UBE2V2: variants seen among roughly 807,000 people sequenced by gnomAD.
UBE2V2 encodes ubiquitin conjugating enzyme E2 V2.
Under a neutral mutation model 17.2 loss-of-function variants are expected in UBE2V2, and 9 were observed. The observed-to-expected ratio is 0.52, with a 90% CI of 0.32 to 0.91. The LOEUF is 0.91. Among genes scored for constraint, UBE2V2 ranks in the 40% least tolerant of loss-of-function variants. The probability of loss-of-function intolerance (pLI) is 0.04; values close to 1 mark genes in which losing one functional copy is unlikely to be tolerated. For missense variants in UBE2V2, 133 were observed against 182.6 expected (o/e 0.73, Z 1.56); for synonymous variants, 61 against 57.5 (o/e 1.06, Z -0.28).
At chr8:48,024,959 G>A (rs1183146393) in intron 1 of UBE2V2, among the ~76,000 whole-genome samples, 2 of 147,022 alleles carry the variant, frequency 1.4e-5, no homozygotes, top group Non-Finnish European at 3.0e-5. Flanking sequence ...TTTTTAGAAC[G>A]AGTCTTGTTC....
intron 1 of UBE2V2, among the ~76,000 whole-genome samples, chr8:48,008,784 G>A (rs2091205238): frequency 6.6e-6 from 1 of 151,936 alleles, no homozygotes; most frequent in African/African-American, 2.4e-5. Context: ...CTACGGGAGG[G>A]AGGCGAGGAG....
intron 2 of UBE2V2, among the ~76,000 whole-genome samples, chr8:48,049,145 A>G (rs1421486917): frequency 1.3e-5 from 2 of 152,208 alleles, no homozygotes; most frequent in African/African-American, 4.8e-5. Context: ...GTAAACATAA[A>G]GTTTGCCATT....
intron 1 of UBE2V2, among the ~76,000 whole-genome samples, chr8:48,028,329 G>A (rs533906406): frequency 6.6e-6 from 1 of 150,586 alleles, no homozygotes; most frequent in Admixed American, 6.6e-5. Flanking sequence ...CACCACACCC[G>A]GCTGTTTTCT....
chr8:48,004,990 C>CTT (rs1472870470), upstream of UBE2V2, among the ~76,000 whole-genome samples: 2 of 137,600 alleles, frequency 1.5e-5, no homozygotes, highest in Non-Finnish European at 3.2e-5. Context: ...AGAATGCCAG[C>CTT]TTTTTTTTTT....
At position 48,063,103 on chromosome 8, in the gene UBE2V2, C is replaced by G. The variant is rs1374558387; in HGVS notation, c.*2275C>G. On this transcript the variant is annotated 3_prime_UTR_variant, in exon 4 of 4. Coordinates refer to ENST00000523111, the MANE Select transcript of UBE2V2 (RefSeq NM_003350.3). ...GGTCTGGGTACCTCAGTCTCTTGTC[C>G]TGTTTCCTTCCCCCAAATCCACCAT... The G allele has an allele frequency of 6.6e-6, 1 of 152,198 alleles. No homozygotes were observed. The highest frequency in any genetic ancestry group is 2.1e-4 in the South Asian group (1 of 4,830). 9.4% of individuals were successfully genotyped at this position (152,198 alleles called of 1,614,324 possible). A position where few individuals can be genotyped will look rare whatever the true frequency, so the allele number is the denominator to read the frequency against.
chr8:48,025,236 C>T (rs2091333377), intron 1 of UBE2V2, among the ~76,000 whole-genome samples: 1 of 151,210 alleles, frequency 6.6e-6, no homozygotes, highest in Admixed American at 6.6e-5. Flanking sequence ...CATGCCTGGC[C>T]AGTGATTCTT....
chr8:48,022,940 G>A (rs770289244), intron 1 of UBE2V2, among the ~76,000 whole-genome samples: 8 of 150,652 alleles, frequency 5.3e-5, no homozygotes, highest in Non-Finnish European at 1.0e-4. Flanking sequence ...CCCTGCGAGC[G>A]CTTTAAATGT....
rs1466826623 is a variant in UBE2V2 at position 48,063,653 on chromosome 8, CTT to C, written c.*2828_*2829del. On this transcript the variant is annotated 3_prime_UTR_variant, in exon 4 of 4. Transcript: ENST00000523111. ...TTTTTCTACCATTCTAAAGTAATGTCTTTTGTTGTGGGTTTATGTGTAACTAC... is the reference window on the plus strand; with the variant it reads ...TTTTTCTACCATTCTAAAGTAATGTCTTGTTGTGGGTTTATGTGTAACTAC... 2.0e-5 allele frequency: 3 copies of C among 151,956 alleles called. No individual in the cohort carries two copies. Among genetic ancestry groups the C allele is most frequent in the South Asian group, 2.1e-4 (1 of 4,820 alleles). The allele number at this position is 151,956 out of a possible 1,614,324, so 9.4% of individuals were successfully genotyped here.
intron 2 of UBE2V2, among the ~76,000 whole-genome samples, chr8:48,045,122 T>A (rs983627174): frequency 6.6e-6 from 1 of 152,214 alleles, no homozygotes; most frequent in Non-Finnish European, 1.5e-5. Flanking sequence ...AAAATGCTAC[T>A]GTGGTCCTCC....
At chr8:48,008,508 G>C in intron 1 of UBE2V2, 38 bp downstream of exon 1, 2 of 1,558,228 alleles carry the variant, frequency 1.3e-6, no homozygotes, top group East Asian at 2.6e-5. Context: ...TTTCCGCTCC[G>C]ACCCGGCTCT....
At chr8:48,056,178 A>T (rs535478556) in intron 3 of UBE2V2, among the ~76,000 whole-genome samples, 1 of 152,274 alleles carries the variant, frequency 6.6e-6, no homozygotes, top group Non-Finnish European at 1.5e-5. Context: ...TGTATTGTGT[A>T]TTGGTACTTT....
intron 2 of UBE2V2, among the ~76,000 whole-genome samples, chr8:48,045,349 G>A (rs1382289203): frequency 6.6e-6 from 1 of 152,192 alleles, no homozygotes; most frequent in East Asian, 1.9e-4. Context: ...ATGAAGAGTG[G>A]ACAGTGATGC....
chr8:48,033,773 C>T (rs529656926), intron 1 of UBE2V2, among the ~76,000 whole-genome samples: 2 of 151,992 alleles, frequency 1.3e-5, no homozygotes, highest in African/African-American at 4.8e-5. Flanking sequence ...GCCTGGGCAA[C>T]ATGGCAAAAC....
intron 1 of UBE2V2, among the ~76,000 whole-genome samples, chr8:48,038,989 C>T (rs1005160109): frequency 2.0e-5 from 3 of 148,618 alleles, no homozygotes; most frequent in Admixed American, 1.4e-4. Context: ...AGTGCAGTGG[C>T]GTGATCCCAG....
chr8:48,042,539 T>C (rs2091470719), intron 1 of UBE2V2: 1 of 152,100 alleles, frequency 6.6e-6, no homozygotes, highest in African/African-American at 2.4e-5. Flanking sequence ...ATTCTTTTTT[T>C]TTTTTTTTTG....
intron 3 of UBE2V2, among the ~76,000 whole-genome samples, chr8:48,059,548 A>G (rs921634291): frequency 3.3e-5 from 5 of 151,996 alleles, no homozygotes; most frequent in Admixed American, 6.6e-5. Flanking sequence ...AGCTGGGAGT[A>G]CAGGCACGTG....
At chr8:48,033,988 A>G (rs915051160) in intron 1 of UBE2V2, among the ~76,000 whole-genome samples, 3 of 152,144 alleles carry the variant, frequency 2.0e-5, no homozygotes, top group Non-Finnish European at 4.4e-5. Flanking sequence ...CATGCTGTTC[A>G]TTAGATCTGC....
chr8:48,039,051 AATTTTTAGTAGAGATGGGTTTGT>A (rs1188005767), intron 1 of UBE2V2, among the ~76,000 whole-genome samples: 1 of 148,898 alleles, frequency 6.7e-6, no homozygotes, highest in Non-Finnish European at 1.5e-5. Flanking sequence ...GCCTTAGGAG[AATTTTTAGTAGAGATGGGTTTGT>A]ATTTTTAGTA....
chr8:48,038,163 C>T (rs1432361841), intron 1 of UBE2V2, among the ~76,000 whole-genome samples: 7 of 152,158 alleles, frequency 4.6e-5, no homozygotes, highest in Non-Finnish European at 1.0e-4. Context: ...CACATATACC[C>T]ACCCTGGCTA....
Sources: gnomAD v4.1 joint callset for allele counts (sites outside exome capture counted in the v4.1 genomes callset) on GRCh38, gnomAD v4.1.1 for gene constraint, MANE v1.5 for transcripts, NCBI Gene and HGNC (gene_info 2026-07-23, HGNC 2026-07-21) for gene names.